PRKX: variants seen among roughly 807,000 people sequenced by gnomAD.
PRKX encodes cAMP-dependent protein kinase catalytic subunit PRKX.
Under a neutral mutation model 22.0 loss-of-function variants are expected in PRKX, and 12 were observed. The observed-to-expected ratio is 0.54, with a 90% CI of 0.35 to 0.88. PRKX has a LOEUF of 0.88. PRKX is among the 40% of genes least tolerant of loss of function. PRKX has a pLI of 0.01. For missense variants in PRKX, 217 were observed against 308.0 expected (o/e 0.70, Z 2.21); for synonymous variants, 134 against 137.7 (o/e 0.97, Z 0.19).
At chrX:3,663,453 CACACACACACACACAAAA>C (rs1367468774) in intron 2 of PRKX, among the ~76,000 whole-genome samples, 1 of 79,232 alleles carries the variant, frequency 1.3e-5, no homozygotes, top group African/African-American at 4.7e-5. Context: ...CACACACACA[CACACACACACACACAAAA>C]AAATTCAATT....
intron 4 of PRKX, among the ~76,000 whole-genome samples, chrX:3,634,282 T>C (rs1327382808): frequency 1.8e-5 from 2 of 109,443 alleles, no homozygotes; most frequent in African/African-American, 6.6e-5. Flanking sequence ...AATAAATAAA[T>C]ATAAAATCTG....
In PRKX at chrX:3,618,050, C is replaced by G. The variant is rs867332083; in HGVS notation, c.874-2158G>C. Among the ~76,000 whole-genome samples, 29 of 60,611 alleles carry G rather than the reference C, an allele frequency of 4.8e-4. 1 individual carries two copies. The Middle Eastern group carries it at 0.024, about 51-fold the overall frequency. The allele number at this position is 60,611 out of a possible 115,157, so 52.6% of individuals were successfully genotyped here. A position where few individuals can be genotyped will look rare whatever the true frequency, so the allele number is the denominator to read the frequency against. ...CTGCAACCTCCGCCTTGCTGTGTCT[C>G]AAAAAAAAAAAAAAAAAAGAGAGAG... On this transcript the variant is annotated intron_variant, in intron 6 of 8. Coordinates refer to ENST00000262848, the MANE Select transcript of PRKX (RefSeq NM_005044.5).
chrX:3,621,624 A>G (rs1776532780), intron 5 of PRKX, among the ~76,000 whole-genome samples: 1 of 111,935 alleles, frequency 8.9e-6, no homozygotes, highest in African/African-American at 3.2e-5. Context: ...GGATCCAGAC[A>G]CTTAACGTAA....
At chrX:3,711,393 G>A (rs989351765) in intron 1 of PRKX, among the ~76,000 whole-genome samples, 3 of 111,508 alleles carry the variant, frequency 2.7e-5, no homozygotes, top group East Asian at 2.8e-4. Context: ...GAGGTTACCC[G>A]CTGGGCACCC....
In PRKX at chrX:3,666,911, T is replaced by TAA. The variant is rs35951668; in HGVS notation, c.335+7685_335+7686dup. On this transcript the variant is annotated intron_variant, in intron 2 of 8. Coordinates refer to ENST00000262848, the MANE Select transcript of PRKX (RefSeq NM_005044.5). ...CAACAGAGCAAGACCTCATTTCTTTTAAAAAAAAAAAAAAAAAAAAAGGAA... is the reference window on the plus strand; with the variant it reads ...CAACAGAGCAAGACCTCATTTCTTTTAAAAAAAAAAAAAAAAAAAAAAAGGAA... Among the ~76,000 whole-genome samples the TAA allele has an allele frequency of 2.3e-3, 150 of 65,768 alleles. 2 individuals carry two copies. Among genetic ancestry groups the TAA allele is most frequent in the Admixed American group, 6.2e-3 (27 of 4,322 alleles). The allele number at this position is 65,768 out of a possible 115,157, so 57.1% of individuals were successfully genotyped here. A position where few individuals can be genotyped will look rare whatever the true frequency, so the allele number is the denominator to read the frequency against.
chrX:3,668,642 G>A (rs1158422776), intron 2 of PRKX, among the ~76,000 whole-genome samples: 2 of 112,023 alleles, frequency 1.8e-5, no homozygotes, highest in Non-Finnish European at 3.8e-5. Flanking sequence ...GGCCCGGAGT[G>A]GAGAGACCTC....
At chrX:3,613,874 AAAAAAAGAAG>A (rs1260486598) in intron 7 of PRKX, among the ~76,000 whole-genome samples, 2 of 91,156 alleles carry the variant, frequency 2.2e-5, no homozygotes, top group East Asian at 7.0e-4. Flanking sequence ...AAAAAAAAAA[AAAAAAAGAAG>A]CGTATCATCC....
intron 5 of PRKX, among the ~76,000 whole-genome samples, chrX:3,621,569 C>T (rs1365322153): frequency 1.8e-5 from 2 of 112,002 alleles, no homozygotes; most frequent in African/African-American, 3.2e-5. Context: ...AAAGAAAATA[C>T]ACCTCTGAGT....
chrX:3,676,472 G>T (rs762950129), intron 1 of PRKX, among the ~76,000 whole-genome samples: 1 of 111,594 alleles, frequency 9.0e-6, no homozygotes, highest in Admixed American at 9.6e-5. Flanking sequence ...AACAGCCAAG[G>T]CGTGGAAACA....
At chrX:3,637,098 G>A (rs1196993070) in intron 4 of PRKX, among the ~76,000 whole-genome samples, 1 of 100,650 alleles carries the variant, frequency 9.9e-6, no homozygotes. Flanking sequence ...AGAGAGGAAG[G>A]AAGGAGAGAG....
chrX:3,625,662 C>T (rs1161895767), intron 5 of PRKX, among the ~76,000 whole-genome samples: 1 of 110,922 alleles, frequency 9.0e-6, no homozygotes, highest in African/African-American at 3.3e-5. Flanking sequence ...ACCTCCGCCT[C>T]CTGGGTTCAA....
intron 1 of PRKX, among the ~76,000 whole-genome samples, chrX:3,675,203 G>A (rs1927927257): frequency 9.0e-6 from 1 of 111,501 alleles, no homozygotes; most frequent in Admixed American, 9.6e-5. Flanking sequence ...AATACAGACA[G>A]GGTGTAAAAC....
At chrX:3,658,142 C>A (rs994961713) in intron 2 of PRKX, among the ~76,000 whole-genome samples, 1 of 110,571 alleles carries the variant, frequency 9.0e-6, no homozygotes, top group Non-Finnish European at 1.9e-5. Flanking sequence ...AGGCGCCCAC[C>A]ACCACGCCCA....
intron 3 of PRKX, among the ~76,000 whole-genome samples, chrX:3,652,998 T>C (rs922520285): frequency 9.0e-6 from 1 of 111,499 alleles, no homozygotes; most frequent in Non-Finnish European, 1.9e-5. Context: ...AAAAGGTCTA[T>C]TCTTTAAAAT....
chrX:3,647,944 C>T (rs139994056), intron 3 of PRKX, among the ~76,000 whole-genome samples: 2 of 111,104 alleles, frequency 1.8e-5, no homozygotes, highest in Non-Finnish European at 3.8e-5. Context: ...TTGGAAGAAT[C>T]TAGGGCCCTC....
chrX:3,634,086 C>A (rs1021288169), intron 4 of PRKX, among the ~76,000 whole-genome samples: 1 of 109,267 alleles, frequency 9.2e-6, no homozygotes, highest in African/African-American at 3.3e-5. Context: ...CCCATCTCTA[C>A]TAAAAATACA....
intron 3 of PRKX, among the ~76,000 whole-genome samples, chrX:3,642,434 A>C (rs1927099076): frequency 9.1e-6 from 1 of 110,340 alleles, no homozygotes; most frequent in Non-Finnish European, 1.9e-5. Context: ...GGGGACACAC[A>C]GACACAGAGA....
At chrX:3,705,681 T>C (rs978172865) in intron 1 of PRKX, among the ~76,000 whole-genome samples, 1 of 109,045 alleles carries the variant, frequency 9.2e-6, no homozygotes, top group African/African-American at 3.4e-5. Context: ...TCCCCCAAGG[T>C]TTTTCTTTTC....
At chrX:3,662,769 G>C (rs1927627460) in intron 2 of PRKX, among the ~76,000 whole-genome samples, 1 of 106,628 alleles carries the variant, frequency 9.4e-6, no homozygotes, top group Non-Finnish European at 1.9e-5. Context: ...CTACTTGAGA[G>C]ACAGAGGTAG....
Sources: gnomAD v4.1 joint callset for allele counts (sites outside exome capture counted in the v4.1 genomes callset) on GRCh38, gnomAD v4.1.1 for gene constraint, MANE v1.5 for transcripts, NCBI Gene and HGNC (gene_info 2026-07-23, HGNC 2026-07-21) for gene names.